Variants in GABRB1 observed in about 807,000 individuals in gnomAD.
GABRB1 encodes gamma-aminobutyric acid type A receptor subunit beta1, also known as gamma-aminobutyric acid receptor subunit beta-1.
A neutral mutation model predicts 51.6 loss-of-function variants in GABRB1; 17 were observed. The ratio of observed to expected loss-of-function variants is 0.33; its 90% CI spans 0.23 to 0.49. The LOEUF (loss-of-function observed/expected upper bound fraction) is 0.49. Among genes scored for constraint, GABRB1 ranks in the 20% least tolerant of loss-of-function variants. The probability of loss-of-function intolerance (pLI) is 0.99; values close to 1 mark genes in which losing one functional copy is unlikely to be tolerated. For synonymous variants in GABRB1, 247 were observed against 218.9 expected (o/e 1.13, Z -1.14); for missense variants, 410 against 600.6 (o/e 0.68, Z 3.32).
At chr4:47,042,247 C>A (rs931808365) in intron 3 of GABRB1, among the ~76,000 whole-genome samples, 1 of 150,980 alleles carries the variant, frequency 6.6e-6, no homozygotes, top group Non-Finnish European at 1.5e-5. Context: ...ATCAAGTCTA[C>A]CTTATACTTT....
intron 3 of GABRB1, among the ~76,000 whole-genome samples, chr4:47,098,718 TTGTC>T (rs1714580789): frequency 6.6e-6 from 1 of 152,188 alleles, no homozygotes; most frequent in South Asian, 2.1e-4. Flanking sequence ...GGTTAAATGA[TTGTC>T]TGAGAATCTG....
intron 3 of GABRB1, among the ~76,000 whole-genome samples, chr4:47,040,082 TA>T (rs1209354667): frequency 1.3e-5 from 2 of 152,124 alleles, no homozygotes; most frequent in Admixed American, 6.6e-5. Context: ...CTCTTGGCTT[TA>T]AAAAAATCTT....
chr4:47,260,524 G>C (rs1282656818), intron 4 of GABRB1, among the ~76,000 whole-genome samples: 2 of 152,194 alleles, frequency 1.3e-5, no homozygotes, highest in African/African-American at 4.8e-5. Flanking sequence ...CAGGCCTGGT[G>C]GTGACAAAAT....
chr4:47,289,904 T>C (rs946460787), intron 4 of GABRB1, among the ~76,000 whole-genome samples: 7 of 152,242 alleles, frequency 4.6e-5, no homozygotes, highest in African/African-American at 1.7e-4. Context: ...TGGGAACTTT[T>C]GGAGAATGTG....
At chr4:47,360,303 C>T (rs1194367830) in intron 5 of GABRB1, among the ~76,000 whole-genome samples, 1 of 151,388 alleles carries the variant, frequency 6.6e-6, no homozygotes, top group Non-Finnish European at 1.5e-5. Context: ...TAAGAAATAA[C>T]TGTATTTTTG....
chr4:47,311,515 T>C (rs182220491), intron 4 of GABRB1, among the ~76,000 whole-genome samples: 212 of 149,658 alleles, frequency 1.4e-3, no homozygotes, highest in African/African-American at 5.0e-3. Context: ...GAGAGTGAGA[T>C]GTGCTTTGAA....
chr4:47,068,412 C>G (rs1331143005), intron 3 of GABRB1, among the ~76,000 whole-genome samples: 2 of 152,220 alleles, frequency 1.3e-5, no homozygotes, highest in East Asian at 3.8e-4. Context: ...TTCAGCCTAT[C>G]TGGGCTTTCA....
chr4:47,057,482 A>G (rs1486000603), intron 3 of GABRB1, among the ~76,000 whole-genome samples: 4 of 152,230 alleles, frequency 2.6e-5, no homozygotes, highest in Non-Finnish European at 5.9e-5. Context: ...TGAATAGGAC[A>G]ATTCTAGCAC....
chr4:47,308,192 A>T (rs898043604), intron 4 of GABRB1, among the ~76,000 whole-genome samples: 1 of 152,042 alleles, frequency 6.6e-6, no homozygotes, highest in Non-Finnish European at 1.5e-5. Context: ...TACAATCCTG[A>T]TGCCGATGAG....
At chr4:47,050,531 A>G (rs1384318593) in intron 3 of GABRB1, among the ~76,000 whole-genome samples, 1 of 152,184 alleles carries the variant, frequency 6.6e-6, no homozygotes, top group East Asian at 1.9e-4. Context: ...GTAAATGCCA[A>G]TGCAAAGAGT....
At chr4:47,179,060 C>A (rs1019183962) in intron 4 of GABRB1, among the ~76,000 whole-genome samples, 2 of 152,046 alleles carry the variant, frequency 1.3e-5, no homozygotes, top group Non-Finnish European at 2.9e-5. Flanking sequence ...TGGTTTGCTG[C>A]ACCCATCAAC....
intron 3 of GABRB1, among the ~76,000 whole-genome samples, chr4:47,063,373 C>T (rs1303104440): frequency 6.6e-6 from 1 of 152,118 alleles, no homozygotes; most frequent in African/African-American, 2.4e-5. Flanking sequence ...AGCTGAAAAT[C>T]ACCATAACAT....
In GABRB1 at chr4:47,024,493, C is replaced by T. The variant is rs147121400; in HGVS notation, c.-19-7421C>T. On this transcript the variant is annotated intron_variant, in intron 1 of 3. Coordinates refer to the GABRB1 transcript ENST00000513567. ...TTTAGTATGTAGTAGCAGTGACATG[C>T]GACCGAAGAAAATATTTGTTGTTTA... Among the ~76,000 whole-genome samples, 150 of 151,996 alleles carry T rather than the reference C, an allele frequency of 9.9e-4. 1 individual carries two copies. Among genetic ancestry groups the T allele is most frequent in the African/African-American group, 3.0e-3 (124 of 41,506 alleles).
intron 4 of GABRB1, among the ~76,000 whole-genome samples, chr4:47,164,670 A>G (rs1413428473): frequency 6.6e-6 from 1 of 152,062 alleles, no homozygotes; most frequent in African/African-American, 2.4e-5. Context: ...CTATATTCAA[A>G]CTCGGTAAGC....
intron 5 of GABRB1, among the ~76,000 whole-genome samples, chr4:47,348,717 G>T (rs1726195768): frequency 6.6e-6 from 1 of 152,146 alleles, no homozygotes; most frequent in African/African-American, 2.4e-5. Context: ...TGAAGATTTT[G>T]AACTAGGGGA....
intron 4 of GABRB1, among the ~76,000 whole-genome samples, chr4:47,230,705 T>A (rs1023762301): frequency 6.6e-6 from 1 of 152,194 alleles, no homozygotes; most frequent in Non-Finnish European, 1.5e-5. Context: ...TTCAACTGAT[T>A]GGGAGTACTA....
In GABRB1 at chr4:47,071,969, G is replaced by A. The variant is rs536639575; in HGVS notation, c.240+39485G>A. ...ATATTTTGAGAACCATTATGTGATTGTAAATTTCCTTAAACAACTCTATGA... is the reference window on the plus strand; with the variant it reads ...ATATTTTGAGAACCATTATGTGATTATAAATTTCCTTAAACAACTCTATGA... On this transcript the variant is annotated intron_variant, in intron 3 of 8. Transcript: ENST00000295454. 4.0e-5 allele frequency among the ~76,000 whole-genome samples: 6 copies of A among 150,020 alleles called. No individual in the cohort carries two copies. The South Asian group carries it at 1.3e-3, about 32-fold the overall frequency.
At chr4:47,206,626 T>C (rs1243165667) in intron 4 of GABRB1, among the ~76,000 whole-genome samples, 1 of 151,932 alleles carries the variant, frequency 6.6e-6, no homozygotes, top group African/African-American at 2.4e-5. Flanking sequence ...ATCTAGATTT[T>C]ATTATTTTTC....
chr4:47,114,927 C>T (rs1015667400), intron 3 of GABRB1, among the ~76,000 whole-genome samples: 1 of 152,010 alleles, frequency 6.6e-6, no homozygotes, highest in Non-Finnish European at 1.5e-5. Context: ...GTTTGAGGTC[C>T]CTGCCATCTC....
Sources: gnomAD v4.1 joint callset for allele counts (sites outside exome capture counted in the v4.1 genomes callset) on GRCh38, gnomAD v4.1.1 for gene constraint, MANE v1.5 for transcripts, NCBI Gene and HGNC (gene_info 2026-07-23, HGNC 2026-07-21) for gene names.